VPS13A: variants seen among roughly 807,000 people sequenced by gnomAD.
VPS13A encodes the protein intermembrane lipid transfer protein VPS13A.
Under a neutral mutation model 390.9 loss-of-function variants are expected in VPS13A, and 264 were observed. The observed-to-expected ratio is 0.68, with a 90% confidence interval of 0.61 to 0.75. The LOEUF (loss-of-function observed/expected upper bound fraction) is 0.75. Among genes scored for constraint, VPS13A ranks in the 30% least tolerant of loss-of-function variants. The pLI is 0.00. For missense variants in VPS13A, 3,409 were observed against 3,733.9 expected, an observed-to-expected ratio of 0.91 and a Z score of 2.27; for synonymous variants, 1,231 against 1,227.1, an observed-to-expected ratio of 1.00 and a Z score of -0.07.
intron 60 of VPS13A, 96 bp from the exon 61 acceptor site, chr9:77,366,631 T>C: frequency 9.5e-7 from 1 of 1,054,022 alleles, no homozygotes; most frequent in African/African-American, 1.6e-5. Flanking sequence ...ATCTTATTTA[T>C]GGTGTAGTGA....
At chr9:77,373,729 CCTA>C (rs1832917582) in intron 67 of VPS13A, among the ~76,000 whole-genome samples, 1 of 151,078 alleles carries the variant, frequency 6.6e-6, no homozygotes, top group African/African-American at 2.4e-5. Context: ...ATTTTCGCAA[CCTA>C]CTCATCTGAC....
At chr9:77,184,828 A>C (rs1564614314) in intron 1 of VPS13A, among the ~76,000 whole-genome samples, 1 of 152,146 alleles carries the variant, frequency 6.6e-6, no homozygotes, top group Non-Finnish European at 1.5e-5. Flanking sequence ...CCAGGGGTTT[A>C]GTTCCAAGAC....
chr9:77,375,444 T>C (rs958840303), intron 67 of VPS13A, among the ~76,000 whole-genome samples: 15 of 152,192 alleles, frequency 9.9e-5, no homozygotes, highest in Non-Finnish European at 1.5e-4. Flanking sequence ...GCATTAAATA[T>C]TGTCCTATTT....
In VPS13A at chr9:77,275,498, A is replaced by G; in HGVS notation, c.2513A>G (p.Asp838Gly). The G allele has an allele frequency of 6.2e-7, 1 of 1,613,484 alleles. No homozygotes were observed. Among genetic ancestry groups the G allele is most frequent in the Non-Finnish European group, 8.5e-7 (1 of 1,179,570 alleles). Residue 838 changes from aspartate to glycine, a missense_variant and splice_region_variant, in exon 25 of 72, where the codon GAT (aspartate) becomes GGT (glycine). This residue lies in a region of VPS13A where 2,717 missense variants were observed against 2,917.4 expected (regional missense o/e 0.93). Coordinates refer to ENST00000360280, the MANE Select transcript of VPS13A (RefSeq NM_033305.3). ...TTAAATAATGTTCTGTGAAATGTAG[A>G]TTCAGAGGAGGAATTTTTTGATGCA... ...LLELPSVSED[D>G]SEEEFFDAPC...
intron 23 of VPS13A, among the ~76,000 whole-genome samples, chr9:77,261,553 A>G (rs1825762394): frequency 6.6e-6 from 1 of 150,488 alleles, no homozygotes; most frequent in Non-Finnish European, 1.5e-5. Flanking sequence ...GAGGATGTGA[A>G]TTTTAAATTT....
intron 44 of VPS13A, among the ~76,000 whole-genome samples, chr9:77,321,969 G>C (rs1829775664): frequency 6.6e-6 from 1 of 151,658 alleles, no homozygotes; most frequent in African/African-American, 2.4e-5. Context: ...TTTATCCTCT[G>C]CATTATTTAG....
At chr9:77,286,505 G>T (rs1199606239) in intron 31 of VPS13A, among the ~76,000 whole-genome samples, 1 of 152,204 alleles carries the variant, frequency 6.6e-6, no homozygotes, top group Non-Finnish European at 1.5e-5. Context: ...TTGCAGGGTA[G>T]TTTGACTGGA....
Position 77,280,174 on chromosome 9 carries a change from C to A in VPS13A, c.2840C>A (p.Pro947Gln). Residue 947 changes from proline to glutamine, a missense_variant, in exon 27 of 72, where the codon CCA becomes CAA. This residue lies in a region of VPS13A where 2,717 missense variants were observed against 2,917.4 expected (regional missense o/e 0.93). Transcript: ENST00000360280. ...TTATTTTTAGATGAAAACAAGAAAC[C>A]AGTTTATTTGGTTACAACCCTGGAT... ...CPEYLDENKK[P>Q]VYLVTTLDNT... is the part of the protein sequence containing the mutation. 6.2e-7 allele frequency: 1 copy of A among 1,609,916 alleles called. No homozygotes were observed. Among genetic ancestry groups the A allele is most frequent in the South Asian group, 1.1e-5 (1 of 90,056 alleles).
Position 77,221,165 on chromosome 9 carries a change from GT to G in VPS13A, c.990-15del. 1 of 1,611,964 alleles carries G rather than the reference GT, an allele frequency of 6.2e-7. No homozygotes were observed. The highest frequency in any genetic ancestry group is 8.5e-7 in the Non-Finnish European group (1 of 1,178,516). On this transcript the variant is annotated intron_variant, in intron 12 of 71. Coordinates refer to ENST00000360280, the MANE Select transcript of VPS13A (RefSeq NM_033305.3). ...TACTGTTGATTTGAGGGTGTTAAATGTTTTTCTTTTTTTAACTAGGTGGGCT... is the reference window on the plus strand; with the variant it reads ...TACTGTTGATTTGAGGGTGTTAAATGTTTTCTTTTTTTAACTAGGTGGGCT...
intron 31 of VPS13A, among the ~76,000 whole-genome samples, chr9:77,284,758 C>T (rs1177332749): frequency 1.3e-5 from 2 of 151,894 alleles, no homozygotes; most frequent in Non-Finnish European, 2.9e-5. Flanking sequence ...GGCTGGAGTG[C>T]AGTGGCGCAG....
chr9:77,314,780 C>T, intron 37 of VPS13A, 116 bp downstream of exon 37: 1 of 1,003,898 alleles, frequency 1.0e-6, no homozygotes, highest in Non-Finnish European at 1.5e-6. Flanking sequence ...TTCTTTAAAG[C>T]TTCAATTCAG....
At chr9:77,216,051 T>A (rs1484846615) in intron 10 of VPS13A, among the ~76,000 whole-genome samples, 1 of 152,176 alleles carries the variant, frequency 6.6e-6, no homozygotes, top group Non-Finnish European at 1.5e-5. Context: ...GGAGAAGCCG[T>A]GTTCTTGCAG....
intron 35 of VPS13A, 45 bp from the exon 36 acceptor site, chr9:77,313,946 CT>C: frequency 6.4e-7 from 1 of 1,574,510 alleles, no homozygotes; most frequent in South Asian, 1.1e-5. Flanking sequence ...TAATGAGCTA[CT>C]TTTCATGATA....
Position 77,293,393 on chromosome 9 carries a change from TG to T in VPS13A, c.3394del (p.Asp1132MetfsTer11), listed in dbSNP as rs756830060. The stretch of plus-strand genomic sequence containing the variant: ...TTCAGCTTCAAAATGGTTTCTTACA[TG>T]GATGCAACTGCTGGTTCTGCATACA... ...EVFSFKMVSY[M>X]DATAGSAYTD... is the part of the protein sequence containing the mutation. On this transcript the variant is annotated frameshift_variant, in exon 32 of 72. Coordinates refer to ENST00000360280, the MANE Select transcript of VPS13A (RefSeq NM_033305.3). LOFTEE classifies it high-confidence loss of function. 3.7e-6 allele frequency: 6 copies of T among 1,613,358 alleles called. No individual in the cohort carries two copies. The African/African-American group carries it at 8.0e-5, about 22-fold the overall frequency.
rs192694183 is a variant in VPS13A at position 77,332,950 on chromosome 9, C to T, written c.6095+837C>T. 4.6e-5 allele frequency among the ~76,000 whole-genome samples: 7 copies of T among 152,242 alleles called. No individual in the cohort carries two copies. The East Asian group carries it at 1.4e-3, about 29-fold the overall frequency. ...CCGAAGACAATCTAGCAGTTTTAGG[C>T]ACCTATTTTCACATAGATCGACCTG... On this transcript the variant is annotated intron_variant, in intron 46 of 71. Transcript: ENST00000360280.
chr9:77,214,474 C>T, intron 10 of VPS13A, 88 bp downstream of exon 10: 1 of 1,073,172 alleles, frequency 9.3e-7, no homozygotes, highest in Admixed American at 1.9e-5. Flanking sequence ...GTGCTAGTTC[C>T]TGTTAAATTT....
At chr9:77,266,859 C>T (rs1434834490) in intron 23 of VPS13A, among the ~76,000 whole-genome samples, 7 of 151,782 alleles carry the variant, frequency 4.6e-5, no homozygotes, top group South Asian at 2.1e-4. Flanking sequence ...TTTGTTTGTT[C>T]GTTTTCATTC....
At position 77,321,151 on chromosome 9, in the gene VPS13A, T is replaced by G. The variant is rs774995180; in HGVS notation, c.5416-18T>G. 3 of 1,607,774 alleles carry G rather than the reference T, an allele frequency of 1.9e-6. No homozygotes were observed. The highest frequency in any genetic ancestry group is 2.6e-6 in the Non-Finnish European group (3 of 1,175,526). On this transcript the variant is annotated intron_variant, in intron 42 of 71. Coordinates refer to ENST00000360280, the MANE Select transcript of VPS13A (RefSeq NM_033305.3). The stretch of plus-strand genomic sequence containing the variant: ...TTCTTAGAATTTTTCCTTATATTTC[T>G]ATGATTTATCATTTTAGATGAAAAA...
chr9:77,319,517 C>G, intron 41 of VPS13A, 55 bp from the exon 42 acceptor site: 3 of 1,222,592 alleles, frequency 2.5e-6, no homozygotes, highest in Non-Finnish European at 3.6e-6. Flanking sequence ...GGCTAAAAAA[C>G]ATGGTGGGAA....
Sources: gnomAD v4.1 joint callset for allele counts (sites outside exome capture counted in the v4.1 genomes callset) on GRCh38, gnomAD v4.1.1 for gene constraint, gnomAD v4.1.1 regional missense constraint, MANE v1.5 for transcripts, NCBI Gene and HGNC (gene_info 2026-07-23, HGNC 2026-07-21) for gene names.